The following KDM4B variants were observed in gnomAD, a reference collection of about 807,000 sequenced individuals.
KDM4B encodes the protein lysine-specific demethylase 4B.
KDM4B carries 32 observed loss-of-function variants against 125.2 expected under a neutral mutation model. The observed-to-expected ratio is 0.26, with a 90% CI of 0.19 to 0.34. The LOEUF (loss-of-function observed/expected upper bound fraction) is 0.34. Among genes scored for constraint, KDM4B ranks in the 10% least tolerant of loss-of-function variants. The pLI, the probability that KDM4B is intolerant of heterozygous loss-of-function variation, is 1.00. For synonymous variants in KDM4B, 721 were observed against 677.9 expected, an observed-to-expected ratio of 1.06 and a Z score of -0.99; for missense variants, 1,190 against 1,577.7, an observed-to-expected ratio of 0.75 and a Z score of 4.16.
chr19:5,025,170 C>T (rs2036239618), intron 2 of KDM4B, among the ~76,000 whole-genome samples: 1 of 152,128 alleles, frequency 6.6e-6, no homozygotes, highest in Non-Finnish European at 1.5e-5. Flanking sequence ...CCAAGCCTGT[C>T]TTGAGCCCCG....
chr19:4,974,933 C>T (rs1283209536), intron 1 of KDM4B, among the ~76,000 whole-genome samples: 1 of 152,090 alleles, frequency 6.6e-6, no homozygotes, highest in African/African-American at 2.4e-5. Flanking sequence ...CTTCCTCCTG[C>T]ACCTGCTCCT....
intron 1 of KDM4B, among the ~76,000 whole-genome samples, chr19:4,972,594 C>T (rs951576709): frequency 1.3e-5 from 2 of 152,186 alleles, no homozygotes; most frequent in African/African-American, 2.4e-5. Flanking sequence ...GTCCCCTAAG[C>T]GGTAGCAACC....
At chr19:5,100,323 C>G (rs1014856390) in intron 9 of KDM4B, among the ~76,000 whole-genome samples, 8 of 152,236 alleles carry the variant, frequency 5.3e-5, no homozygotes, top group Non-Finnish European at 1.2e-4. Context: ...ATTTCAAACT[C>G]CCATCACTCG....
intron 7 of KDM4B, among the ~76,000 whole-genome samples, chr19:5,073,710 C>T (rs2038016790): frequency 6.6e-6 from 1 of 152,204 alleles, no homozygotes; most frequent in African/African-American, 2.4e-5. Context: ...AGGCCAGGCA[C>T]CTGGAGGGCT....
chr19:5,143,821 G>A (rs1220214775), intron 18 of KDM4B, 146 bp from the exon 19 acceptor site: 2 of 657,120 alleles, frequency 3.0e-6, no homozygotes, highest in East Asian at 2.8e-5. Context: ...GCTCTGGGCT[G>A]TGGAGGGGAA....
At chr19:4,970,098 C>G (rs1399361274) in intron 1 of KDM4B, among the ~76,000 whole-genome samples, 2 of 152,092 alleles carry the variant, frequency 1.3e-5, no homozygotes, top group South Asian at 4.1e-4. Flanking sequence ...TCTGCTTGAC[C>G]TGGGGTCTGC....
chr19:5,052,733 G>A (rs1335736828), intron 6 of KDM4B, among the ~76,000 whole-genome samples: 1 of 152,244 alleles, frequency 6.6e-6, no homozygotes, highest in Non-Finnish European at 1.5e-5. Context: ...CCAGGAGTCT[G>A]GTGGGTGATG....
intron 6 of KDM4B, among the ~76,000 whole-genome samples, chr19:5,066,976 G>C (rs76084378): frequency 0.022 from 3,305 of 152,164 alleles, 67 homozygotes; most frequent in Middle Eastern, 0.1. Context: ...CCTGCGTCCC[G>C]GCCGATGTGA....
intron 6 of KDM4B, among the ~76,000 whole-genome samples, chr19:5,066,420 A>G (rs1334427262): frequency 1.3e-5 from 2 of 151,628 alleles, no homozygotes; most frequent in African/African-American, 4.8e-5. Context: ...CTAGGAGGTC[A>G]CTGTGCTGCC....
intron 6 of KDM4B, among the ~76,000 whole-genome samples, chr19:5,063,120 A>G (rs1279083701): frequency 2.0e-5 from 3 of 151,838 alleles, no homozygotes; most frequent in Non-Finnish European, 4.4e-5. Flanking sequence ...GTAGTGGGAG[A>G]GTCCCTGCTA....
chr19:5,063,694 G>A (rs777956373), intron 6 of KDM4B, among the ~76,000 whole-genome samples: 1 of 152,208 alleles, frequency 6.6e-6, no homozygotes, highest in Non-Finnish European at 1.5e-5. Context: ...TCCCCAGTGC[G>A]GTGAATAGGT....
At chr19:5,064,529 G>T (rs538186605) in intron 6 of KDM4B, among the ~76,000 whole-genome samples, 3 of 152,314 alleles carry the variant, frequency 2.0e-5, no homozygotes, top group South Asian at 4.1e-4. Context: ...GCTTCCGCTG[G>T]CAGGAGCTGT....
intron 9 of KDM4B, among the ~76,000 whole-genome samples, chr19:5,095,069 C>T (rs535319178): frequency 8.5e-4 from 130 of 152,252 alleles, no homozygotes; most frequent in Non-Finnish European, 1.4e-3. Context: ...GATGCTGTGC[C>T]CTCCCCACGC....
Position 4,997,960 on chromosome 19 carries a change from C to T in KDM4B, c.-108-18297C>T, listed in dbSNP as rs1399733382. On this transcript the variant is annotated intron_variant, in intron 1 of 22. Transcript: ENST00000159111. The surrounding 1 kb of genome is among the most constrained non-coding windows in gnomAD (Gnocchi z 4.2). ...AAATTACAAGGCAGGTTTGTAGATG[C>T]ATAGATTATTTAGTTAATGATTATG... Among the ~76,000 whole-genome samples the T allele has an allele frequency of 2.0e-5, 3 of 152,372 alleles. No homozygotes were observed. The highest frequency in any genetic ancestry group is 3.9e-4 in the East Asian group (2 of 5,192).
In KDM4B at chr19:5,142,915, G is replaced by A. The variant is rs59550157; in HGVS notation, c.2551-1052G>A. Reference sequence around the variant, plus strand: ...TGGGCCTGGCGTGGGTGTGGCGGCCGCCAGGGCCCCGGTGCTGGCTCGGGC... The same window carrying A: ...TGGGCCTGGCGTGGGTGTGGCGGCCACCAGGGCCCCGGTGCTGGCTCGGGC... On this transcript the variant is annotated intron_variant, in intron 18 of 22. Coordinates refer to ENST00000159111, the MANE Select transcript of KDM4B (RefSeq NM_015015.3). The surrounding 1 kb of genome is among the most constrained non-coding windows in gnomAD (Gnocchi z 5.4). 0.019 allele frequency among the ~76,000 whole-genome samples: 2,944 copies of A among 152,060 alleles called. 64 individuals carry two copies. The highest frequency in any genetic ancestry group is 0.057 in the African/African-American group (2,344 of 41,468).
rs143354134 is a variant in KDM4B, at chr19:5,017,311, C to T, written c.-26+972C>T. 2.3e-3 allele frequency among the ~76,000 whole-genome samples: 357 copies of T among 152,190 alleles called. 1 individual carries two copies. Among genetic ancestry groups the T allele is most frequent in the Middle Eastern group, 0.01 (3 of 294 alleles). Reference sequence around the variant, plus strand: ...GTCACGTGGTTGGCAAACTATGGCCCCTGGACCCAATCTGACCCCCTGTTT... The same window carrying T: ...GTCACGTGGTTGGCAAACTATGGCCTCTGGACCCAATCTGACCCCCTGTTT... On this transcript the variant is annotated intron_variant, in intron 2 of 22. Transcript: ENST00000159111.
chr19:4,969,672 C>T (rs1568195076), intron 1 of KDM4B, among the ~76,000 whole-genome samples: 1 of 152,198 alleles, frequency 6.6e-6, no homozygotes, highest in Non-Finnish European at 1.5e-5. Context: ...AAGACCCCAG[C>T]CCCTGGGTAA....
rs1441867788 is a variant in KDM4B at position 5,082,624 on chromosome 19, T to C, written c.918+120T>C. 8.9e-7 allele frequency: 1 copy of C among 1,121,966 alleles called. No homozygotes were observed. The highest frequency in any genetic ancestry group is 2.9e-5 in the Admixed American group (1 of 34,890). The allele number at this position is 1,121,966 out of a possible 1,614,324, so 69.5% of individuals were successfully genotyped here. ...GTTTCGCTCAGCCCAGGGCCTGGGC[T>C]CTCAACCAGGGTCTGATTCTGGGCT... On this transcript the variant is annotated intron_variant, in intron 9 of 22. Transcript: ENST00000159111. The surrounding 1 kb of genome is among the most constrained non-coding windows in gnomAD (Gnocchi z 5.4).
chr19:5,043,888 A>T (rs1273049339), intron 5 of KDM4B, among the ~76,000 whole-genome samples: 1 of 105,086 alleles, frequency 9.5e-6, no homozygotes, highest in African/African-American at 4.0e-5. Context: ...TGCTGTGTTT[A>T]TCGGAGTGGG....
Sources: gnomAD v4.1 joint callset for allele counts (sites outside exome capture counted in the v4.1 genomes callset) on GRCh38, gnomAD v4.1.1 for gene constraint, Gnocchi (gnomAD v3.1) non-coding constraint, MANE v1.5 for transcripts, NCBI Gene and HGNC (gene_info 2026-07-23, HGNC 2026-07-21) for gene names.